CDCA5: variants seen among roughly 807,000 people sequenced by gnomAD.
The protein encoded by CDCA5 is cell division cycle associated 5, also known as sororin.
CDCA5 carries 14 observed loss-of-function variants against 25.7 expected under a neutral mutation model. The ratio of observed to expected loss-of-function variants is 0.54; its 90% CI spans 0.36 to 0.85. CDCA5 has a LOEUF of 0.85. Among genes scored for constraint, CDCA5 ranks in the 40% least tolerant of loss-of-function variants. CDCA5 has a pLI of 0.01. For synonymous variants in CDCA5, 127 were observed against 128.7 expected, an observed-to-expected ratio of 0.99 and a Z score of 0.09; for missense variants, 307 against 324.5, an observed-to-expected ratio of 0.95 and a Z score of 0.41.
intron 1 of CDCA5, among the ~76,000 whole-genome samples, chr11:65,070,414 T>A (rs549967394): frequency 5.9e-5 from 9 of 152,354 alleles, no homozygotes; most frequent in African/African-American, 2.2e-4. Context: ...TGTACCCACG[T>A]AGGGTTGCCA....
intron 1 of CDCA5, among the ~76,000 whole-genome samples, chr11:65,072,270 A>C (rs1274943012): frequency 6.6e-6 from 1 of 152,244 alleles, no homozygotes; most frequent in Non-Finnish European, 1.5e-5. Flanking sequence ...TGTCAGCCAC[A>C]CTGTGGAGAG....
chr11:65,061,914 A>ATTTTTT (rs35836447), downstream of CDCA5, among the ~76,000 whole-genome samples: 6 of 82,312 alleles, frequency 7.3e-5, no homozygotes, highest in African/African-American at 2.3e-4. Flanking sequence ...CAGCTGCCTA[A>ATTTTTT]TTTTTTTTTT....
Position 65,079,358 on chromosome 11 carries a change from T to C in CDCA5, c.673A>G (p.Ile225Val), listed in dbSNP as rs1181996867. Residue 225 changes from isoleucine (I) to valine (V), a missense_variant, in exon 5 of 6, where the codon ATC becomes GTC. By Grantham distance (29) the Ile-to-Val change is conservative. Transcript: ENST00000275517. Reference sequence around the variant, plus strand: ...AACCCCTGCCTCTCACTCACCAAGATCTCTGGCATTTTCTTCTTCTTACGT... The same window carrying C: ...AACCCCTGCCTCTCACTCACCAAGACCTCTGGCATTTTCTTCTTCTTACGT... ...QKRKKKKMPEILKTELDEWAA... is the reference protein window; with the variant it reads ...QKRKKKKMPEVLKTELDEWAA... The C allele has an allele frequency of 1.2e-6, 2 of 1,613,742 alleles. No homozygotes were observed. Among genetic ancestry groups the C allele is most frequent in the Non-Finnish European group, 1.7e-6 (2 of 1,179,966 alleles).
Position 65,083,945 on chromosome 11 carries a change from C to G in CDCA5, c.34G>C (p.Ala12Pro). ...SGRRTRSGGAAQRSGPRAPSP... is the reference protein window; with the variant it reads ...SGRRTRSGGAPQRSGPRAPSP... ...GCCCTCCGCTCACCGGAGCGCTGAG[C>G]GGCTCCTCCGGACCGCGTTCGCCTC... Residue 12 changes from alanine (A) to proline (P), a missense_variant, in exon 1 of 6, where the codon GCT becomes CCT. Transcript: ENST00000275517. 6.2e-7 allele frequency: 1 copy of G among 1,608,232 alleles called. No individual in the cohort carries two copies. The highest frequency in any genetic ancestry group is 8.5e-7 in the Non-Finnish European group (1 of 1,179,218).
downstream of CDCA5, among the ~76,000 whole-genome samples, chr11:65,077,209 C>T (rs927759029): frequency 3.9e-5 from 6 of 152,098 alleles, no homozygotes; most frequent in African/African-American, 1.4e-4. Flanking sequence ...ATCGCTTGAA[C>T]CTGGGAGGCA....
At position 65,068,026 on chromosome 11, in the gene CDCA5, C is replaced by T. The variant is rs763952015; in HGVS notation, c.269+1G>A. ...TCTCTCTCTCTCTCATGCAGCCTTA[C>T]GATTCAGGGTCTTTTGGCTCAGTGG... On this transcript the variant is annotated splice_donor_variant, in intron 3 of 6. Transcript: ENST00000525464. LOFTEE classifies it high-confidence loss of function. 5 of 1,287,184 alleles carry T rather than the reference C, an allele frequency of 3.9e-6. No homozygotes were observed. Among genetic ancestry groups the T allele is most frequent in the South Asian group, 1.2e-5 (1 of 80,986 alleles). The allele number at this position is 1,287,184 out of a possible 1,614,324, so 79.7% of individuals were successfully genotyped here.
In CDCA5 at chr11:65,078,839, G is replaced by A. The variant is rs1947496759; in HGVS notation, c.*268C>T. The stretch of plus-strand genomic sequence containing the variant: ...CCAGTCTGTGGCCCATCTGGAAACT[G>A]GCTATGGTACTTTGGGGAGATAGGA... On this transcript the variant is annotated 3_prime_UTR_variant, in exon 6 of 6. Transcript: ENST00000275517. 2 of 1,188,684 alleles carry A rather than the reference G, an allele frequency of 1.7e-6. No homozygotes were observed. Among genetic ancestry groups the A allele is most frequent in the Non-Finnish European group, 2.1e-6 (2 of 960,172 alleles). The allele number at this position is 1,188,684 out of a possible 1,614,324, so 73.6% of individuals were successfully genotyped here.
At chr11:65,081,592 C>CAGA (rs1355532188) in intron 4 of CDCA5, among the ~76,000 whole-genome samples, 1 of 152,044 alleles carries the variant, frequency 6.6e-6, no homozygotes, top group Non-Finnish European at 1.5e-5. Context: ...CTAGGAAAGG[C>CAGA]AGAAGTCCCT....
intron 1 of CDCA5, among the ~76,000 whole-genome samples, chr11:65,068,940 A>C (rs1238196414): frequency 6.6e-6 from 1 of 152,196 alleles, no homozygotes; most frequent in Non-Finnish European, 1.5e-5. Context: ...GCCAAACTAC[A>C]TGCTAAAAAT....
chr11:65,071,531 T>C (rs1947343401), intron 1 of CDCA5, among the ~76,000 whole-genome samples: 1 of 151,956 alleles, frequency 6.6e-6, no homozygotes, highest in Admixed American at 6.6e-5. Flanking sequence ...GTCAGGCTGG[T>C]CTCGAACCCC....
chr11:65,079,511 C>T lies in CDCA5; in HGVS notation c.520G>A (p.Ala174Thr). ...GGCGAGACTCCGGACAAGTCTTCTG[C>T]CCCCAGCAGCCCCTCGAAGCCAAAG... ...SCFGFEGLLGAEDLSGVSPVV... is the reference protein window; with the variant it reads ...SCFGFEGLLGTEDLSGVSPVV... The change falls in exon 5 of 6, where the codon GCA becomes ACA. Residue 174 changes from alanine (A) to threonine (T), a missense_variant. Transcript: ENST00000275517. 1.2e-6 allele frequency: 2 copies of T among 1,614,124 alleles called. No homozygotes were observed.
chr11:65,078,007 A>T lies in CDCA5; in HGVS notation c.*1100T>A, dbSNP rs2137117712. 1 of 985,504 alleles carries T rather than the reference A, an allele frequency of 1.0e-6. No homozygotes were observed. The highest frequency in any genetic ancestry group is 1.2e-6 in the Non-Finnish European group (1 of 829,968). The allele number at this position is 985,504 out of a possible 1,614,324, so 61.0% of individuals were successfully genotyped here. A position where few individuals can be genotyped will look rare whatever the true frequency, so the allele number is the denominator to read the frequency against. ...CGATGGAAAGAAGAGAAAGATGGGGAAATTCTCCAGAGATCATGAGATGCA... is the reference window on the plus strand; with the variant it reads ...CGATGGAAAGAAGAGAAAGATGGGGTAATTCTCCAGAGATCATGAGATGCA... On this transcript the variant is annotated 3_prime_UTR_variant, in exon 6 of 6. Coordinates refer to ENST00000275517, the MANE Select transcript of CDCA5 (RefSeq NM_080668.4).
intron 6 of CDCA5, chr11:65,066,504 A>G: frequency 7.8e-7 from 1 of 1,289,124 alleles, no homozygotes; most frequent in Non-Finnish European, 1.0e-6. Flanking sequence ...AGTGAGCAGC[A>G]TGGGGCAGCC....
downstream of CDCA5, among the ~76,000 whole-genome samples, chr11:65,063,720 G>A (rs1947206371): frequency 6.6e-6 from 1 of 152,226 alleles, no homozygotes; most frequent in Non-Finnish European, 1.5e-5. Context: ...GCTAACCCAA[G>A]CCCAGTGCCT....
Position 65,078,002 on chromosome 11 carries a change from T to TG in CDCA5, c.*1104dup. ...CCACACGATGGAAAGAAGAGAAAGA[T>TG]GGGGAAATTCTCCAGAGATCATGAG... On this transcript the variant is annotated 3_prime_UTR_variant, in exon 6 of 6. Coordinates refer to ENST00000275517, the MANE Select transcript of CDCA5 (RefSeq NM_080668.4). 1 of 985,388 alleles carries TG rather than the reference T, an allele frequency of 1.0e-6. No homozygotes were observed. The highest frequency in any genetic ancestry group is 4.7e-5 in the South Asian group (1 of 21,282). The allele number at this position is 985,388 out of a possible 1,614,324, so 61.0% of individuals were successfully genotyped here.
At chr11:65,074,674 G>A (rs901856702), downstream of CDCA5, among the ~76,000 whole-genome samples, 2 of 149,230 alleles carry the variant, frequency 1.3e-5, no homozygotes, top group African/African-American at 5.0e-5. Context: ...GGGAAGTGGA[G>A]GTTGCAGTGA....
rs1947477790 is a variant in CDCA5 at position 65,077,890 on chromosome 11, G to A, written c.*1217C>T. The A allele has an allele frequency of 2.0e-6, 2 of 985,572 alleles. No homozygotes were observed. Among genetic ancestry groups the A allele is most frequent in the African/African-American group, 1.7e-5 (1 of 57,232 alleles). 61.1% of individuals were successfully genotyped at this position (985,572 alleles called of 1,614,324 possible). ...TGCACACCTCAGCGTCTACTTCCAC[G>A]AACTTCTAAACATCAAAAGGTACAA... On this transcript the variant is annotated 3_prime_UTR_variant, in exon 6 of 6. Coordinates refer to ENST00000275517, the MANE Select transcript of CDCA5 (RefSeq NM_080668.4).
chr11:65,080,980 G>C (rs1442525573), intron 4 of CDCA5, among the ~76,000 whole-genome samples: 3 of 152,200 alleles, frequency 2.0e-5, no homozygotes, highest in African/African-American at 4.8e-5. Context: ...ACTTGAAGGA[G>C]GTGTGGGAGT....
At chr11:65,082,101 T>C (rs542120145) in intron 4 of CDCA5, among the ~76,000 whole-genome samples, 10 of 152,360 alleles carry the variant, frequency 6.6e-5, no homozygotes, top group African/African-American at 2.2e-4. Flanking sequence ...CTTGGCTTCA[T>C]GCTTCAGAAT....
Sources: gnomAD v4.1 joint callset for allele counts (sites outside exome capture counted in the v4.1 genomes callset) on GRCh38, gnomAD v4.1.1 for gene constraint, MANE v1.5 for transcripts, NCBI Gene and HGNC (gene_info 2026-07-23, HGNC 2026-07-21) for gene names.